The following MAP3K5 variants were observed in gnomAD, a reference collection of about 807,000 sequenced individuals.
MAP3K5 encodes ASK-1.
Under a neutral mutation model 158.7 loss-of-function variants are expected in MAP3K5, and 56 were observed. The ratio of observed to expected loss-of-function variants is 0.35; its 90% CI spans 0.28 to 0.44. The LOEUF is 0.44. Ranked by LOEUF, MAP3K5 falls within the 20% of genes least tolerant of loss-of-function variation. The probability of loss-of-function intolerance (pLI) is 1.00; values close to 1 mark genes in which losing one functional copy is unlikely to be tolerated. For missense variants in MAP3K5, 1,294 were observed against 1,674.8 expected (o/e 0.77, Z 3.97); for synonymous variants, 579 against 601.7 (o/e 0.96, Z 0.55).
chr6:136,750,024 T>G (rs768614397), intron 1 of MAP3K5, among the ~76,000 whole-genome samples: 3 of 152,038 alleles, frequency 2.0e-5, no homozygotes, highest in Non-Finnish European at 1.5e-5. Flanking sequence ...AAGCAGAAAT[T>G]AGAGACAAGG....
chr6:136,692,536 T>C (rs188046289), intron 7 of MAP3K5, among the ~76,000 whole-genome samples: 44 of 152,278 alleles, frequency 2.9e-4, no homozygotes, highest in African/African-American at 9.6e-4. Flanking sequence ...TGAAAACCTT[T>C]CCAGTTTCTA....
intron 1 of MAP3K5, among the ~76,000 whole-genome samples, chr6:136,743,815 T>A (rs988266504): frequency 6.6e-6 from 1 of 152,072 alleles, no homozygotes; most frequent in Admixed American, 6.5e-5. Flanking sequence ...AGTGGATAAA[T>A]AAACTGTGGT....
intron 8 of MAP3K5, among the ~76,000 whole-genome samples, chr6:136,661,296 G>A (rs1376444837): frequency 3.9e-5 from 6 of 152,008 alleles, no homozygotes; most frequent in Non-Finnish European, 7.3e-5. Flanking sequence ...ATTTTGTGAG[G>A]GTAAAGAGAG....
intron 8 of MAP3K5, among the ~76,000 whole-genome samples, chr6:136,666,142 C>T (rs937147821): frequency 6.6e-6 from 1 of 152,118 alleles, no homozygotes; most frequent in Non-Finnish European, 1.5e-5. Context: ...GTTTTTAAAT[C>T]CTAGCTCTAA....
intron 1 of MAP3K5, among the ~76,000 whole-genome samples, chr6:136,764,549 C>G (rs1783883560): frequency 6.6e-6 from 1 of 152,148 alleles, no homozygotes; most frequent in African/African-American, 2.4e-5. Flanking sequence ...TCAGACCCAA[C>G]CAAGTTTATG....
chr6:136,623,044 A>G, intron 14 of MAP3K5, 63 bp from the exon 15 acceptor site: 1 of 1,546,778 alleles, frequency 6.5e-7, no homozygotes, highest in Non-Finnish European at 8.9e-7. Flanking sequence ...TTCAAACATC[A>G]AATTTTTTTC....
chr6:136,577,811 T>A (rs542768391), intron 25 of MAP3K5, among the ~76,000 whole-genome samples: 1 of 152,380 alleles, frequency 6.6e-6, no homozygotes, highest in African/African-American at 2.4e-5. Flanking sequence ...TTTTTCAGAA[T>A]GATTAAATTA....
At chr6:136,602,026 C>G (rs1316121633) in intron 19 of MAP3K5, 47 bp from the exon 20 acceptor site, 16 of 1,504,292 alleles carry the variant, frequency 1.1e-5, no homozygotes, top group Non-Finnish European at 1.5e-5. Context: ...GAGTGAACAT[C>G]TCAGCACCTG....
At chr6:136,614,064 A>G in intron 16 of MAP3K5, 95 bp downstream of exon 16, 1 of 1,372,832 alleles carries the variant, frequency 7.3e-7, no homozygotes, top group Non-Finnish European at 9.9e-7. Context: ...CAGTTTAGAC[A>G]GATTAAGACC....
At chr6:136,585,650 T>C (rs1487285610) in intron 23 of MAP3K5, among the ~76,000 whole-genome samples, 7 of 151,884 alleles carry the variant, frequency 4.6e-5, no homozygotes, top group African/African-American at 7.3e-5. Context: ...CAGGCACCTG[T>C]CATGCCCAGC....
chr6:136,752,536 C>T (rs574060499), intron 1 of MAP3K5, among the ~76,000 whole-genome samples: 28 of 152,280 alleles, frequency 1.8e-4, no homozygotes, highest in East Asian at 1.7e-3. Context: ...TTCAGCCTCC[C>T]GAGTAGCTGG....
intron 1 of MAP3K5, among the ~76,000 whole-genome samples, chr6:136,781,797 T>G (rs530957980): frequency 1.3e-5 from 2 of 152,312 alleles, no homozygotes; most frequent in African/African-American, 4.8e-5. Flanking sequence ...TTGGGAAATA[T>G]CTAGCTACAG....
At chr6:136,611,174 A>G in intron 18 of MAP3K5, 108 bp downstream of exon 18, 1 of 582,310 alleles carries the variant, frequency 1.7e-6, no homozygotes. Flanking sequence ...AGATACCAAC[A>G]TTACTGTGTG....
chr6:136,709,609 A>G (rs1176750621), intron 2 of MAP3K5, among the ~76,000 whole-genome samples: 2 of 152,226 alleles, frequency 1.3e-5, no homozygotes, highest in Admixed American at 1.3e-4. Context: ...ATAGAAAAGC[A>G]AATGGCCACT....
At chr6:136,611,107 CAAAAAAA>C (rs59508317) in intron 18 of MAP3K5, among the ~76,000 whole-genome samples, 168 bp downstream of exon 18, 36 of 24,450 alleles carry the variant, frequency 1.5e-3, no homozygotes, top group Admixed American at 9.6e-3. Flanking sequence ...GACCCTGTCT[CAAAAAAA>C]AAAAAAAAAA....
At chr6:136,721,678 A>C (rs951505978) in intron 1 of MAP3K5, among the ~76,000 whole-genome samples, 3 of 152,234 alleles carry the variant, frequency 2.0e-5, no homozygotes, top group African/African-American at 4.8e-5. Context: ...CATCTCGAAC[A>C]TGCTCCAAGT....
At chr6:136,713,165 C>T (rs1781382763) in intron 2 of MAP3K5, among the ~76,000 whole-genome samples, 1 of 152,194 alleles carries the variant, frequency 6.6e-6, no homozygotes, top group Non-Finnish European at 1.5e-5. Context: ...TTCAGCAAGG[C>T]TTGCCCCACT....
chr6:136,691,377 G>A (rs1486660792), intron 7 of MAP3K5, among the ~76,000 whole-genome samples: 5 of 152,122 alleles, frequency 3.3e-5, no homozygotes, highest in South Asian at 2.1e-4. Flanking sequence ...TCAGGAGGCC[G>A]AGGCAGGTGG....
chr6:136,649,635 T>C (rs1778430049), intron 11 of MAP3K5, among the ~76,000 whole-genome samples: 1 of 152,152 alleles, frequency 6.6e-6, no homozygotes, highest in Non-Finnish European at 1.5e-5. Context: ...AAATGATTAC[T>C]CCCATGCCAT....
Sources: allele counts gnomAD v4.1 joint callset (sites outside exome capture counted in the v4.1 genomes callset), GRCh38; gene constraint gnomAD v4.1.1; transcripts MANE v1.5; gene names NCBI Gene and HGNC (gene_info 2026-07-23, HGNC 2026-07-21).